NOTCH1: variants seen among roughly 807,000 people sequenced by gnomAD.
The protein encoded by NOTCH1 is neurogenic locus notch homolog protein 1.
NOTCH1 carries 37 observed loss-of-function variants against 254.8 expected under a neutral mutation model. That is an observed-to-expected ratio of 0.15 (90% confidence interval 0.11 to 0.19). The LOEUF is 0.19. NOTCH1 is among the 10% of genes least tolerant of loss of function. The pLI is 1.00. For missense variants in NOTCH1, 2,972 were observed against 3,708.6 expected, an observed-to-expected ratio of 0.80 and a Z score of 5.16; for synonymous variants, 1,731 against 1,618.1, an observed-to-expected ratio of 1.07 and a Z score of -1.68.
intron 33 of NOTCH1, among the ~76,000 whole-genome samples, chr9:136,498,410 G>A (rs963956386): frequency 2.0e-5 from 3 of 152,176 alleles, no homozygotes; most frequent in Admixed American, 6.5e-5. Flanking sequence ...GAGCCTTGAG[G>A]TCCTTGGCCT....
chr9:136,526,367 C>A (rs1487956377), intron 2 of NOTCH1, among the ~76,000 whole-genome samples: 3 of 152,150 alleles, frequency 2.0e-5, no homozygotes, highest in Non-Finnish European at 4.4e-5. Flanking sequence ...CCGCTGAAGT[C>A]GGCAGGGGGT....
Position 136,509,719 on chromosome 9 carries a change from C to T in NOTCH1, c.2969+14G>A, listed in dbSNP as rs112192550. 4.0e-4 allele frequency: 645 copies of T among 1,610,624 alleles called. No homozygotes were observed. Among genetic ancestry groups the T allele is most frequent in the Non-Finnish European group, 5.3e-4 (629 of 1,178,132 alleles). ...GCCCGTTCCCTTCCACGGCCTCACT[C>T]GAGCCCCGCACACCTCTCTGTGCAG... is the stretch of plus-strand genomic sequence containing the variant. On this transcript the variant is annotated intron_variant, in intron 18 of 33. Coordinates refer to ENST00000651671, the MANE Select transcript of NOTCH1 (RefSeq NM_017617.5).
At position 136,513,648 on chromosome 9, in the gene NOTCH1, C is replaced by G. The variant is rs191807194; in HGVS notation, c.2208-111G>C. The G allele has an allele frequency of 1.7e-4, 212 of 1,231,346 alleles. No individual in the cohort carries two copies. Among genetic ancestry groups the G allele is most frequent in the Non-Finnish European group, 2.3e-4 (199 of 865,070 alleles). 76.3% of individuals were successfully genotyped at this position (1,231,346 alleles called of 1,614,324 possible). On this transcript the variant is annotated intron_variant, in intron 13 of 33. Transcript: ENST00000651671. This position sits in a 1 kb window ranked among gnomAD's most constrained non-coding sequence, Gnocchi z 4.7. ...GGGCTGGCGGAGGTGCCCATCCACT[C>G]AGACTCGCAGAGTCCTTTAGTGGGG...
Position 136,529,213 on chromosome 9 carries a change from G to A in NOTCH1, c.141-5234C>T, listed in dbSNP as rs148269222. Among the ~76,000 whole-genome samples the A allele has an allele frequency of 5.2e-3, 792 of 152,346 alleles. 5 individuals carry two copies. Among genetic ancestry groups the A allele is most frequent in the African/African-American group, 0.016 (669 of 41,588 alleles). ...TGCCCAAGCAAATGGGGCCATATGTGGACTGGCTGGGGGGACACTGTGACC... is the reference window on the plus strand; with the variant it reads ...TGCCCAAGCAAATGGGGCCATATGTAGACTGGCTGGGGGGACACTGTGACC... On this transcript the variant is annotated intron_variant, in intron 2 of 33. Transcript: ENST00000651671.
chr9:136,511,862 G>A (rs1464750122), intron 15 of NOTCH1, among the ~76,000 whole-genome samples: 4 of 152,220 alleles, frequency 2.6e-5, no homozygotes, highest in Non-Finnish European at 4.4e-5. Context: ...GCCACGCAGG[G>A]TGTCTGGCAA....
At chr9:136,542,157 G>A (rs1399581063) in intron 2 of NOTCH1, among the ~76,000 whole-genome samples, 10 of 152,270 alleles carry the variant, frequency 6.6e-5, no homozygotes, top group Non-Finnish European at 1.3e-4. Flanking sequence ...CAGCGCTCTG[G>A]CCCAGGGAGA....
chr9:136,496,496 G>A lies in NOTCH1; in HGVS notation c.7243C>T (p.Pro2415Ser). ...QQSLQPPPPP[P>S]QPHLGVSSAA... ...GAGCTCACGCCAAGGTGCGGCTGTG[G>A]TGGTGGTGGTGGCGGCTGCAGGCTT... The change falls in exon 34 of 34, where the codon CCA (proline) becomes TCA (serine). Residue 2415 changes from proline to serine, a missense_variant. Physicochemically the swap from Pro to Ser is moderately conservative, Grantham distance 74. Around this residue, in one of 8 missense-constraint regions of NOTCH1, gnomAD observed 529 missense variants for 529.2 expected, o/e 1.00. Coordinates refer to ENST00000651671, the MANE Select transcript of NOTCH1 (RefSeq NM_017617.5). 6.2e-7 allele frequency: 1 copy of A among 1,602,198 alleles called. No homozygotes were observed. The highest frequency in any genetic ancestry group is 1.1e-5 in the South Asian group (1 of 91,088).
chr9:136,511,035 C>T (rs1254389191), intron 16 of NOTCH1, 117 bp downstream of exon 16: 2 of 1,519,372 alleles, frequency 1.3e-6, no homozygotes. Flanking sequence ...ACCAGGGCCT[C>T]CTCAGCACCC....
rs1282097829 is a variant in NOTCH1 at position 136,515,393 on chromosome 9, G to C, written c.1911C>G (p.Asn637Lys). Residue 637 changes from asparagine to lysine, a missense_variant, in exon 12 of 34, where the codon AAC becomes AAG. Around this residue, in one of 8 missense-constraint regions of NOTCH1, gnomAD observed 1,343 missense variants for 1,557.0 expected, o/e 0.86. Transcript: ENST00000651671. ...CFCLKGTTGP[N>K]CEINLDDCAS... The stretch of plus-strand genomic sequence containing the variant: ...CACAGTCATCCAGGTTGATCTCGCA[G>C]TTGGGTCCTGAAGGGGTGGCACGTG... 1.2e-6 allele frequency: 2 copies of C among 1,612,820 alleles called. No homozygotes were observed. The highest frequency in any genetic ancestry group is 3.3e-5 in the Admixed American group (2 of 60,008).
chr9:136,528,367 C>T (rs907808673), intron 2 of NOTCH1, among the ~76,000 whole-genome samples: 1 of 7,778 alleles, frequency 1.3e-4, no homozygotes, highest in Admixed American at 2.0e-3. Context: ...ACAGCACCTC[C>T]CAAGGCAAGG....
rs1414616532 is a variant in NOTCH1, at chr9:136,496,284, G to T, written c.7455C>A (p.Pro2485=). Residue 2485 remains proline, a synonymous_variant, in exon 34 of 34, where the codon CCC becomes CCA. Transcript: ENST00000651671. ...PVTAAQFLTP[P]SQHSYSSPVD... ...CAGGCGAGGAGTAGCTGTGCTGCGA[G>T]GGGGGCGTCAGGAACTGGGCTGCGG... is the stretch of plus-strand genomic sequence containing the variant. 5.0e-6 allele frequency: 8 copies of T among 1,598,388 alleles called. No homozygotes were observed. Among genetic ancestry groups the T allele is most frequent in the African/African-American group, 1.3e-5 (1 of 74,880 alleles).
chr9:136,536,500 A>G (rs1029920107), intron 2 of NOTCH1, among the ~76,000 whole-genome samples: 2 of 152,274 alleles, frequency 1.3e-5, no homozygotes, highest in Admixed American at 1.3e-4. Flanking sequence ...CGGAGCAGGC[A>G]GACTGGGCGG....
In NOTCH1 at chr9:136,495,505, C is replaced by T. The variant is rs1169922253; in HGVS notation, c.*566G>A. On this transcript the variant is annotated 3_prime_UTR_variant, in exon 34 of 34. Transcript: ENST00000651671. Reference sequence around the variant, plus strand: ...TTTCAGATGCAAATTAATCCGCGTGCGGAAGGTGAGCCAGCTTTGCCTCCG... The same window carrying T: ...TTTCAGATGCAAATTAATCCGCGTGTGGAAGGTGAGCCAGCTTTGCCTCCG... 2.0e-5 allele frequency: 8 copies of T among 399,314 alleles called. No individual in the cohort carries two copies. The highest frequency in any genetic ancestry group is 1.1e-4 in the East Asian group (3 of 28,226). 24.7% of individuals were successfully genotyped at this position (399,314 alleles called of 1,614,324 possible).
Position 136,505,891 on chromosome 9 carries a change from A to G in NOTCH1, c.4015-10T>C, listed in dbSNP as rs989085577. ...TGGCGCCCTCGAAGCCCTGCCCGAG[A>G]GGGAAGACAGGACGGTGTCGGGGTG... On this transcript the variant is annotated splice_polypyrimidine_tract_variant and intron_variant, in intron 24 of 33. Transcript: ENST00000651671. 1.0e-5 allele frequency: 16 copies of G among 1,580,842 alleles called. No individual in the cohort carries two copies. The highest frequency in any genetic ancestry group is 8.5e-7 in the Non-Finnish European group (1 of 1,172,808).
At chr9:136,525,795 C>A (rs1035151208) in intron 2 of NOTCH1, among the ~76,000 whole-genome samples, 7 of 152,174 alleles carry the variant, frequency 4.6e-5, no homozygotes, top group Middle Eastern at 3.2e-3. Context: ...GGTTCCTGTG[C>A]GTTTCTCAGC....
At chr9:136,503,366 G>T in intron 26 of NOTCH1, 36 bp from the exon 27 acceptor site, 1 of 1,611,786 alleles carries the variant, frequency 6.2e-7, no homozygotes, top group South Asian at 1.1e-5. Context: ...GGGACCCGAG[G>T]CTTCCTCCTC....
At chr9:136,523,680 G>C (rs772960342) in intron 3 of NOTCH1, 37 bp downstream of exon 3, 1 of 1,575,080 alleles carries the variant, frequency 6.3e-7, no homozygotes, top group Non-Finnish European at 8.6e-7. Flanking sequence ...GGCGGGCCTG[G>C]GTCTGCCCAC....
Position 136,517,288 on chromosome 9 carries a change from C to T in NOTCH1, c.1539G>A (p.Gln513=), listed in dbSNP as rs747069934. 2 of 1,605,704 alleles carry T rather than the reference C, an allele frequency of 1.2e-6. No homozygotes were observed. Among genetic ancestry groups the T allele is most frequent in the East Asian group, 4.5e-5 (2 of 44,572 alleles). The change falls in exon 9 of 34, where the codon CAG becomes CAA. Residue 513 remains glutamine, a synonymous_variant. Transcript: ENST00000651671. The part of the protein sequence containing the change: ...GRCLDKINEF[Q]CECPTGFTGH... ...GGCCCTCACCCGTGGGGCACTCGCA[C>T]TGGAACTCATTGATCTTGTCCAGGC...
In NOTCH1 at chr9:136,523,007, G is replaced by T; in HGVS notation, c.585C>A (p.Cys195Ter). Residue 195 changes from cysteine to a stop codon, truncating the protein, a stop_gained, in exon 4 of 34, where the codon TGC becomes TGA. Transcript: ENST00000651671. LOFTEE classifies it high-confidence loss of function. ...KPGLCRHGGT[C>*]HNEVGSYRCV... ...AGCGGTAGGAGCCGACCTCGTTGTG[G>T]CAGGTGCCTCCGTGGCGGCAAAGCC... 1 of 1,552,612 alleles carries T rather than the reference G, an allele frequency of 6.4e-7. No homozygotes were observed. Among genetic ancestry groups the T allele is most frequent in the Non-Finnish European group, 8.7e-7 (1 of 1,149,136 alleles).
Sources: gnomAD v4.1 joint callset for allele counts (sites outside exome capture counted in the v4.1 genomes callset) on GRCh38, gnomAD v4.1.1 for gene constraint, gnomAD v4.1.1 regional missense constraint, Gnocchi (gnomAD v3.1) non-coding constraint, MANE v1.5 for transcripts, NCBI Gene and HGNC (gene_info 2026-07-23, HGNC 2026-07-21) for gene names.